The following RBM20 variants were observed in gnomAD, a reference collection of about 807,000 sequenced individuals.
RBM20 encodes the protein RNA-binding protein 20.
A neutral mutation model predicts 110.1 loss-of-function variants in RBM20; 51 were observed. The ratio of observed to expected loss-of-function variants is 0.46; its 90% CI spans 0.37 to 0.59. The LOEUF (loss-of-function observed/expected upper bound fraction) is 0.59, where lower values mean the gene tolerates loss of function less well. RBM20 is among the 20% of genes least tolerant of loss of function. The pLI is 0.00. For synonymous variants in RBM20, 589 were observed against 618.2 expected (o/e 0.95, Z 0.70); for missense variants, 1,512 against 1,574.9 (o/e 0.96, Z 0.68).
chr10:110,769,015 T>A (rs1844148757), intron 1 of RBM20, among the ~76,000 whole-genome samples: 2 of 152,326 alleles, frequency 1.3e-5, no homozygotes, highest in South Asian at 4.1e-4. Flanking sequence ...AAAAATGGCT[T>A]GTGGGACCCA....
intron 1 of RBM20, among the ~76,000 whole-genome samples, chr10:110,699,463 G>T (rs1163133031): frequency 6.6e-6 from 1 of 151,616 alleles, no homozygotes; most frequent in Non-Finnish European, 1.5e-5. Context: ...GTAGAGATGG[G>T]GTTTCACCAT....
At chr10:110,692,976 G>C (rs957085307) in intron 1 of RBM20, among the ~76,000 whole-genome samples, 1 of 152,156 alleles carries the variant, frequency 6.6e-6, no homozygotes, top group East Asian at 1.9e-4. Context: ...TCATAAAAAG[G>C]TGTTGAATTT....
At chr10:110,807,571 A>G (rs1564852682) in intron 7 of RBM20, among the ~76,000 whole-genome samples, 1 of 152,140 alleles carries the variant, frequency 6.6e-6, no homozygotes, top group Non-Finnish European at 1.5e-5. Context: ...TGGCCCTGAC[A>G]TTGGCCTGAC....
At position 110,768,178 on chromosome 10, in the gene RBM20, C is replaced by T. The variant is rs531273509; in HGVS notation, c.192-12623C>T. On this transcript the variant is annotated intron_variant, in intron 1 of 13. Coordinates refer to ENST00000369519, the MANE Select transcript of RBM20 (RefSeq NM_001134363.3). ...AGGTTGCAGTGAGCCGAGATGGCAG[C>T]AGTACAGTCCAGCTTCAGCTCGGCA... is the stretch of plus-strand genomic sequence containing the variant. Among the ~76,000 whole-genome samples, 7 of 152,134 alleles carry T rather than the reference C, an allele frequency of 4.6e-5. No homozygotes were observed. In the East Asian group the frequency reaches 1.4e-3, roughly 29 times the overall value.
At chr10:110,662,234 A>G (rs570084834) in intron 1 of RBM20, among the ~76,000 whole-genome samples, 61 of 152,336 alleles carry the variant, frequency 4.0e-4, no homozygotes, top group African/African-American at 1.4e-3. Flanking sequence ...CTTCCCCAGT[A>G]AACTTTCATT....
intron 1 of RBM20, among the ~76,000 whole-genome samples, chr10:110,679,000 C>G (rs1290074239): frequency 1.3e-5 from 2 of 152,100 alleles, no homozygotes; most frequent in Admixed American, 6.5e-5. Flanking sequence ...GGTTCAAATC[C>G]AGGATACTCT....
chr10:110,647,062 A>G (rs1264644452), intron 1 of RBM20, among the ~76,000 whole-genome samples: 1 of 152,252 alleles, frequency 6.6e-6, no homozygotes, highest in African/African-American at 2.4e-5. Flanking sequence ...TTTGAAGATT[A>G]CAAACATTTT....
At chr10:110,668,846 C>G (rs1381828427) in intron 1 of RBM20, among the ~76,000 whole-genome samples, 2 of 150,488 alleles carry the variant, frequency 1.3e-5, no homozygotes, top group Non-Finnish European at 3.0e-5. Flanking sequence ...TTTTGAACTT[C>G]TTAGGACAGT....
At chr10:110,649,856 G>C (rs1047590156) in intron 1 of RBM20, among the ~76,000 whole-genome samples, 1 of 152,206 alleles carries the variant, frequency 6.6e-6, no homozygotes, top group African/African-American at 2.4e-5. Context: ...GCTGGATCTT[G>C]AGAATATGCG....
Position 110,738,572 on chromosome 10 carries a change from C to T in RBM20, c.192-42229C>T, listed in dbSNP as rs10885031. Among the ~76,000 whole-genome samples, 84,516 of 151,782 alleles carry T rather than the reference C, an allele frequency of 0.56. 23,736 individuals are homozygous for T. The highest frequency in any genetic ancestry group is 0.6 in the Middle Eastern group (177 of 294). ...GTGAAATGACAGGGAGCTTACGAAA[C>T]GGTGCAACTTGGACTAACACTTATG... On this transcript the variant is annotated intron_variant, in intron 1 of 13. Transcript: ENST00000369519.
intron 1 of RBM20, among the ~76,000 whole-genome samples, chr10:110,740,853 G>A (rs1843717946): frequency 1.3e-5 from 2 of 152,138 alleles, no homozygotes; most frequent in South Asian, 4.1e-4. Context: ...TACAGAAGAG[G>A]ATGCAGAAGT....
intron 1 of RBM20, among the ~76,000 whole-genome samples, chr10:110,668,281 C>T (rs1262813080): frequency 2.0e-5 from 3 of 152,078 alleles, no homozygotes; most frequent in Admixed American, 1.3e-4. Context: ...GGACCACTAG[C>T]CTAGCCCCCT....
At chr10:110,738,097 T>C (rs775226995) in intron 1 of RBM20, among the ~76,000 whole-genome samples, 5 of 152,180 alleles carry the variant, frequency 3.3e-5, no homozygotes, top group Non-Finnish European at 5.9e-5. Flanking sequence ...CAGCATTAAT[T>C]AAGCAAACAC....
intron 1 of RBM20, among the ~76,000 whole-genome samples, chr10:110,737,368 T>C (rs1843683560): frequency 1.3e-5 from 2 of 152,136 alleles, no homozygotes; most frequent in Middle Eastern, 3.4e-3. Context: ...AATAAATTTC[T>C]ATTGTTTTTA....
intron 1 of RBM20, among the ~76,000 whole-genome samples, chr10:110,733,322 C>T (rs973444420): frequency 1.3e-5 from 2 of 152,198 alleles, no homozygotes; most frequent in African/African-American, 4.8e-5. Context: ...CTTCCCTGCC[C>T]TCACCCCTGG....
rs186106111 is a variant in RBM20, at chr10:110,762,198, G to T, written c.192-18603G>T. Among the ~76,000 whole-genome samples, 232 of 152,316 alleles carry T rather than the reference G, an allele frequency of 1.5e-3. 1 individual carries two copies. The highest frequency in any genetic ancestry group is 5.4e-3 in the African/African-American group (223 of 41,578). Reference sequence around the variant, plus strand: ...GCTTCAATGTTCTAATCTGTAAAATGGGGATAGTGATCTTAATTTGTTTTA... The same window carrying T: ...GCTTCAATGTTCTAATCTGTAAAATTGGGATAGTGATCTTAATTTGTTTTA... On this transcript the variant is annotated intron_variant, in intron 1 of 13. Coordinates refer to ENST00000369519, the MANE Select transcript of RBM20 (RefSeq NM_001134363.3).
intron 1 of RBM20, among the ~76,000 whole-genome samples, chr10:110,721,505 G>A (rs1007131820): frequency 1.3e-5 from 2 of 152,084 alleles, no homozygotes; most frequent in Admixed American, 6.5e-5. Context: ...GTGAGTGTGC[G>A]CATGTCTGTC....
At chr10:110,785,447 T>C (rs538997627) in intron 5 of RBM20, among the ~76,000 whole-genome samples, 14 of 152,212 alleles carry the variant, frequency 9.2e-5, no homozygotes, top group African/African-American at 3.1e-4. Context: ...TCGCAGCTAC[T>C]TGGGAGGCTG....
chr10:110,766,985 GGCTGGCC>G (rs1844098487), intron 1 of RBM20, among the ~76,000 whole-genome samples: 11 of 145,010 alleles, frequency 7.6e-5, no homozygotes, highest in South Asian at 4.5e-4. Flanking sequence ...CGGACGGGGC[GGCTGGCC>G]GGGCAGAGGG....
Sources: gnomAD v4.1 joint callset for allele counts (sites outside exome capture counted in the v4.1 genomes callset) on GRCh38, gnomAD v4.1.1 for gene constraint, MANE v1.5 for transcripts, NCBI Gene and HGNC (gene_info 2026-07-23, HGNC 2026-07-21) for gene names.